The following BACE2 variants were observed in gnomAD, a reference collection of about 807,000 sequenced individuals.
BACE2 encodes the protein beta-secretase 2.
In BACE2, 17 loss-of-function variants were observed where a neutral mutation model predicts 46.2. The ratio of observed to expected loss-of-function variants is 0.37; its 90% CI spans 0.25 to 0.55. The LOEUF (loss-of-function observed/expected upper bound fraction) is 0.55, where lower values mean the gene tolerates loss of function less well. Among genes scored for constraint, BACE2 ranks in the 20% least tolerant of loss-of-function variants. The pLI is 0.82. For synonymous variants in BACE2, 277 were observed against 295.9 expected (o/e 0.94, Z 0.66); for missense variants, 595 against 698.1 (o/e 0.85, Z 1.66).
chr21:41,221,361 T>A (rs1986641051), intron 1 of BACE2, among the ~76,000 whole-genome samples: 1 of 152,188 alleles, frequency 6.6e-6, no homozygotes, highest in Non-Finnish European at 1.5e-5. Context: ...GTCTGACAGT[T>A]TCTGCCAACA....
At chr21:41,179,533 G>C in intron 1 of BACE2, 1 of 1,362,940 alleles carries the variant, frequency 7.3e-7, no homozygotes, top group Non-Finnish European at 9.8e-7. Context: ...CCAGGGTGAG[G>C]AGTGAGGGTG....
intron 7 of BACE2, among the ~76,000 whole-genome samples, chr21:41,255,966 C>T (rs1987776011): frequency 6.6e-6 from 1 of 152,136 alleles, no homozygotes; most frequent in Non-Finnish European, 1.5e-5. Flanking sequence ...AGAGTTGTCT[C>T]TTGTGAGAAA....
chr21:41,255,506 C>T (rs1159373081), intron 7 of BACE2, among the ~76,000 whole-genome samples: 1 of 152,210 alleles, frequency 6.6e-6, no homozygotes, highest in Admixed American at 6.5e-5. Context: ...AGCGTCCACA[C>T]GGACGAAGTG....
At position 41,181,359 on chromosome 21, in the gene BACE2, G is replaced by C. The variant is rs1206245648; in HGVS notation, c.312+12784G>C. On this transcript the variant is annotated intron_variant, in intron 1 of 8. Transcript: ENST00000330333. ...GGGTCTATAGAGATATTTTCCACCT[G>C]TTCTCATGGTGGTGGTTGAACAATC... 1.8e-5 allele frequency: 3 copies of C among 167,108 alleles called. No homozygotes were observed. The East Asian group carries it at 5.8e-4, about 32-fold the overall frequency. The allele number at this position is 167,108 out of a possible 1,614,324, so 10.4% of individuals were successfully genotyped here.
intron 1 of BACE2, among the ~76,000 whole-genome samples, chr21:41,201,249 T>C (rs994332197): frequency 6.6e-6 from 1 of 152,232 alleles, no homozygotes; most frequent in African/African-American, 2.4e-5. Flanking sequence ...TTAGTATCCA[T>C]GATGTCCCAG....
chr21:41,253,351 A>G (rs1406416357), intron 7 of BACE2, among the ~76,000 whole-genome samples: 1 of 150,932 alleles, frequency 6.6e-6, no homozygotes, highest in East Asian at 2.0e-4. Context: ...CTAAGGCAGG[A>G]GAGTCGCTTG....
At chr21:41,246,779 A>G (rs1347491619) in intron 6 of BACE2, among the ~76,000 whole-genome samples, 1 of 152,188 alleles carries the variant, frequency 6.6e-6, no homozygotes, top group Non-Finnish European at 1.5e-5. Flanking sequence ...TGGGGATGAA[A>G]TAGAATTAAA....
intron 1 of BACE2, among the ~76,000 whole-genome samples, chr21:41,203,086 G>A (rs1473630204): frequency 2.0e-5 from 3 of 152,122 alleles, no homozygotes; most frequent in Non-Finnish European, 4.4e-5. Flanking sequence ...CATCCAGTAG[G>A]TGCAACAGTC....
In BACE2 at chr21:41,243,474, A is replaced by G. The variant is rs1987365039; in HGVS notation, c.846A>G (p.Glu282=). 6.2e-7 allele frequency: 1 copy of G among 1,612,846 alleles called. No homozygotes were observed. Among genetic ancestry groups the G allele is most frequent in the South Asian group, 1.1e-5 (1 of 90,584 alleles). Reference sequence around the variant, plus strand: ...ACCAGATAGAAATTCTGAAATTGGAAATTGGAGGCCAAAGCCTTAATCTGG... The same window carrying G: ...ACCAGATAGAAATTCTGAAATTGGAGATTGGAGGCCAAAGCCTTAATCTGG... ...WYYQIEILKL[E]IGGQSLNLDC... is the part of the protein sequence containing the mutation. The change falls in exon 5 of 9, where the codon GAA becomes GAG. Residue 282 remains glutamate (E), a synonymous_variant. Transcript: ENST00000330333.
chr21:41,229,761 A>G (rs1986922251), intron 2 of BACE2, among the ~76,000 whole-genome samples: 1 of 152,214 alleles, frequency 6.6e-6, no homozygotes, highest in Non-Finnish European at 1.5e-5. Context: ...TTTTGCATTC[A>G]AGTGGCAGAT....
intron 7 of BACE2, among the ~76,000 whole-genome samples, chr21:41,253,041 A>G (rs952228465): frequency 2.6e-5 from 4 of 152,194 alleles, no homozygotes; most frequent in African/African-American, 9.7e-5. Flanking sequence ...AAACAATAAT[A>G]CCTACCAAAG....
In BACE2 at chr21:41,222,045, C is replaced by T. The variant is rs569859719; in HGVS notation, c.313-4221C>T. Among the ~76,000 whole-genome samples, 256 of 152,230 alleles carry T rather than the reference C, an allele frequency of 1.7e-3. 2 individuals are homozygous for T. The highest frequency in any genetic ancestry group is 2.4e-4 in the Non-Finnish European group (16 of 68,016). ...GCTGAGTTGGTTACAAGAATGCGCT[C>T]GGAGTCTGACTCTGGGTTCCAGCCT... On this transcript the variant is annotated intron_variant, in intron 1 of 8. Coordinates refer to ENST00000330333, the MANE Select transcript of BACE2 (RefSeq NM_012105.5).
chr21:41,187,255 G>T (rs1228003058), intron 1 of BACE2, among the ~76,000 whole-genome samples: 2 of 152,214 alleles, frequency 1.3e-5, no homozygotes, highest in Admixed American at 1.3e-4. Flanking sequence ...CGTGGGTGGA[G>T]GGCAGCTCAC....
intron 1 of BACE2, chr21:41,179,287 G>T: frequency 7.6e-7 from 1 of 1,309,166 alleles, no homozygotes; most frequent in Non-Finnish European, 1.0e-6. Flanking sequence ...GGGAGTCCAG[G>T]GTGAGGATTG....
intron 5 of BACE2, among the ~76,000 whole-genome samples, chr21:41,244,893 A>ATGTGTG (rs58052575): frequency 6.9e-6 from 1 of 144,690 alleles, no homozygotes; most frequent in African/African-American, 2.5e-5. Context: ...GTGTGTGTGT[A>ATGTGTG]TGTGTGTGTG....
chr21:41,220,886 AG>A (rs998566618), intron 1 of BACE2, among the ~76,000 whole-genome samples: 48 of 152,072 alleles, frequency 3.2e-4, no homozygotes, highest in African/African-American at 1.1e-3. Flanking sequence ...TAACATTTAT[AG>A]TCTCATTATT....
chr21:41,259,394 A>G (rs1195045307), intron 8 of BACE2, among the ~76,000 whole-genome samples: 1 of 151,994 alleles, frequency 6.6e-6, no homozygotes, highest in African/African-American at 2.4e-5. Flanking sequence ...AACGGCCCAG[A>G]CAGTGCTCGA....
intron 6 of BACE2, among the ~76,000 whole-genome samples, chr21:41,246,973 G>A (rs1026655614): frequency 2.0e-5 from 3 of 152,164 alleles, no homozygotes; most frequent in African/African-American, 7.2e-5. Context: ...GTTCAGATGC[G>A]AGAGGAACAT....
intron 1 of BACE2, chr21:41,179,449 G>A: frequency 7.5e-7 from 1 of 1,330,224 alleles, no homozygotes; most frequent in Non-Finnish European, 9.9e-7. Flanking sequence ...TGTCCAGGGT[G>A]AGTGAGGGTG....
Sources: gnomAD v4.1 joint callset for allele counts (sites outside exome capture counted in the v4.1 genomes callset) on GRCh38, gnomAD v4.1.1 for gene constraint, MANE v1.5 for transcripts, NCBI Gene and HGNC (gene_info 2026-07-23, HGNC 2026-07-21) for gene names.